Variants in CAST observed in about 807,000 individuals in gnomAD.
The protein encoded by CAST is MIR583 host.
In CAST, 76 loss-of-function variants were observed where a neutral mutation model predicts 119.6. The observed-to-expected ratio is 0.64, with a 90% CI of 0.53 to 0.77. The LOEUF is 0.77. CAST is among the 30% of genes least tolerant of loss of function. The probability of loss-of-function intolerance (pLI) is 0.00; values close to 1 mark genes in which losing one functional copy is unlikely to be tolerated. For missense variants in CAST, 953 were observed against 946.5 expected, an observed-to-expected ratio of 1.01 and a Z score of -0.09; for synonymous variants, 319 against 331.6, an observed-to-expected ratio of 0.96 and a Z score of 0.41.
chr5:96,743,664 C>T (rs1169241831), intron 16 of CAST: 21 of 1,613,100 alleles, frequency 1.3e-5, no homozygotes, highest in South Asian at 2.2e-5. Flanking sequence ...TTGGAGGGCT[C>T]ACCGGCCACA....
chr5:96,653,452 C>A (rs1372046556), intron 1 of CAST, among the ~76,000 whole-genome samples: 1 of 152,174 alleles, frequency 6.6e-6, no homozygotes, highest in African/African-American at 2.4e-5. Flanking sequence ...AGTTAGTAGA[C>A]CTGGCTTTGG....
chr5:96,629,309 T>C (rs865789083), intron 1 of CAST, among the ~76,000 whole-genome samples: 1 of 152,188 alleles, frequency 6.6e-6, no homozygotes, highest in Non-Finnish European at 1.5e-5. Context: ...CTTCCCATTC[T>C]CCAGAACCAT....
intron 1 of CAST, among the ~76,000 whole-genome samples, chr5:96,532,704 G>A (rs1201936544): frequency 6.6e-6 from 1 of 152,104 alleles, no homozygotes; most frequent in African/African-American, 2.4e-5. Flanking sequence ...ACAAAAATTA[G>A]CCAGGTGTGG....
the CAST span, among the ~76,000 whole-genome samples, chr5:96,488,121 G>A: frequency 6.6e-6 from 1 of 152,160 alleles, no homozygotes; most frequent in Non-Finnish European, 1.5e-5. Context: ...AATCAAGTGA[G>A]GTTGGGAAAA....
intron 2 of CAST, among the ~76,000 whole-genome samples, chr5:96,685,174 A>T (rs1382368207): frequency 6.6e-6 from 1 of 152,130 alleles, no homozygotes; most frequent in Non-Finnish European, 1.5e-5. Flanking sequence ...CTCTGAAGAG[A>T]TTATATTTTA....
the CAST span, among the ~76,000 whole-genome samples, chr5:96,075,577 C>T: frequency 1.3e-5 from 2 of 152,016 alleles, no homozygotes; most frequent in African/African-American, 4.8e-5. Context: ...TTGACCAAGC[C>T]AAGAGAATAA....
At chr5:96,665,883 C>T (rs1410767610) in intron 1 of CAST, among the ~76,000 whole-genome samples, 1 of 151,758 alleles carries the variant, frequency 6.6e-6, no homozygotes, top group African/African-American at 2.4e-5. Flanking sequence ...TATGTATCTA[C>T]AGATATAAAT....
chr5:96,497,664 C>G, the CAST span, among the ~76,000 whole-genome samples: 3 of 152,072 alleles, frequency 2.0e-5, no homozygotes, highest in Non-Finnish European at 2.9e-5. Flanking sequence ...GTCTTCTTTT[C>G]AGAAGTGTCT....
the CAST span, among the ~76,000 whole-genome samples, chr5:96,041,833 T>C: frequency 6.6e-6 from 1 of 152,172 alleles, no homozygotes; most frequent in African/African-American, 2.4e-5. Context: ...CTGATTTTCT[T>C]CTGAGAATCT....
chr5:96,047,228 T>G, the CAST span, among the ~76,000 whole-genome samples: 1 of 152,212 alleles, frequency 6.6e-6, no homozygotes, highest in Non-Finnish European at 1.5e-5. Flanking sequence ...TCATCATTTC[T>G]TATTCATATT....
chr5:95,969,254 TG>T, the CAST span, among the ~76,000 whole-genome samples: 1 of 152,084 alleles, frequency 6.6e-6, no homozygotes, highest in Non-Finnish European at 1.5e-5. Context: ...CTGTGAGCAA[TG>T]GGGAACTGTT....
the CAST span, among the ~76,000 whole-genome samples, chr5:96,232,005 T>C: frequency 1.3e-5 from 2 of 152,182 alleles, no homozygotes; most frequent in East Asian, 1.9e-4. Flanking sequence ...AGGTCCATGG[T>C]GCTTTAAAGA....
chr5:95,996,948 G>T, the CAST span, among the ~76,000 whole-genome samples: 2 of 151,810 alleles, frequency 1.3e-5, no homozygotes, highest in Non-Finnish European at 2.9e-5. Context: ...GGCTAAATTT[G>T]ATCATCACAT....
chr5:96,197,445 A>G, the CAST span, among the ~76,000 whole-genome samples: 25,634 of 152,138 alleles, frequency 0.17, 3,547 homozygotes, highest in African/African-American at 0.37. Context: ...TAAAAACTGT[A>G]GAAAACTCCT....
At chr5:96,063,639 C>T in the CAST span, among the ~76,000 whole-genome samples, 1 of 152,150 alleles carries the variant, frequency 6.6e-6, no homozygotes, top group African/African-American at 2.4e-5. Context: ...TACACGCAGA[C>T]ACACAATGGT....
the CAST span, among the ~76,000 whole-genome samples, chr5:96,174,033 C>A: frequency 2.6e-5 from 4 of 152,182 alleles, no homozygotes; most frequent in African/African-American, 9.7e-5. Flanking sequence ...TGAGCCACCG[C>A]GCCCGGCCTG....
At chr5:96,542,242 C>T (rs969046761) in intron 1 of CAST, among the ~76,000 whole-genome samples, 15 of 150,350 alleles carry the variant, frequency 1.0e-4, no homozygotes, top group African/African-American at 3.7e-4. Flanking sequence ...CCCCGGGGGG[C>T]GGAGCCTGCA....
chr5:95,994,016 A>G, the CAST span, among the ~76,000 whole-genome samples: 2 of 152,132 alleles, frequency 1.3e-5, no homozygotes, highest in Non-Finnish European at 2.9e-5. Context: ...AAGCCTGGCA[A>G]TCTCAAGCAT....
the CAST span, among the ~76,000 whole-genome samples, chr5:96,372,733 GGC>G: frequency 1.3e-5 from 2 of 152,254 alleles, no homozygotes; most frequent in South Asian, 4.2e-4. Flanking sequence ...CCTTTCCTAA[GGC>G]TGCACCTTGG....
Sources: allele counts gnomAD v4.1 joint callset (sites outside exome capture counted in the v4.1 genomes callset), GRCh38; gene constraint gnomAD v4.1.1; transcripts MANE v1.5; gene names NCBI Gene and HGNC (gene_info 2026-07-23, HGNC 2026-07-21).